ZFHX3: variants seen among roughly 807,000 people sequenced by gnomAD.
The protein encoded by ZFHX3 is zinc finger homeobox protein 3.
In ZFHX3, 42 loss-of-function variants were observed where a neutral mutation model predicts 279.1. The observed-to-expected ratio is 0.15, with a 90% CI of 0.12 to 0.19. The LOEUF is 0.19. ZFHX3 is among the 10% of genes least tolerant of loss of function. The pLI, the probability that ZFHX3 is intolerant of heterozygous loss-of-function variation, is 1.00. For missense variants in ZFHX3, 4,981 were observed against 4,754.0 expected, an observed-to-expected ratio of 1.05 and a Z score of -1.40; for synonymous variants, 2,293 against 1,957.8, an observed-to-expected ratio of 1.17 and a Z score of -4.52.
At chr16:73,750,680 A>G (rs2053753996) in intron 1 of ZFHX3, among the ~76,000 whole-genome samples, 1 of 152,324 alleles carries the variant, frequency 6.6e-6, no homozygotes, top group Admixed American at 6.5e-5. Context: ...ACTGCAGCTC[A>G]GCAATTCTCT....
At chr16:73,314,983 T>C (rs866504403) in intron 4 of ZFHX3, among the ~76,000 whole-genome samples, 1 of 152,192 alleles carries the variant, frequency 6.6e-6, no homozygotes, top group Non-Finnish European at 1.5e-5. Context: ...ATTCCAGCAC[T>C]TTGGGAGGCT....
At chr16:73,736,367 C>A (rs544263602) in intron 1 of ZFHX3, among the ~76,000 whole-genome samples, 1 of 152,172 alleles carries the variant, frequency 6.6e-6, no homozygotes, top group Non-Finnish European at 1.5e-5. Context: ...GCAACAAATC[C>A]GTTATTCTAA....
chr16:72,827,272 A>G (rs913859497), intron 5 of ZFHX3, among the ~76,000 whole-genome samples: 2 of 152,160 alleles, frequency 1.3e-5, no homozygotes, highest in Admixed American at 6.5e-5. Flanking sequence ...CTTATATATC[A>G]CTAAACCATT....
chr16:73,308,477 G>A (rs2015245989), intron 4 of ZFHX3, among the ~76,000 whole-genome samples: 1 of 151,724 alleles, frequency 6.6e-6, no homozygotes, highest in Non-Finnish European at 1.5e-5. Flanking sequence ...TTTTAGTAGA[G>A]AAGGGGTTTC....
At chr16:73,394,539 C>T (rs960741955) in intron 3 of ZFHX3, among the ~76,000 whole-genome samples, 38 of 152,068 alleles carry the variant, frequency 2.5e-4, no homozygotes, top group African/African-American at 5.8e-4. Flanking sequence ...ACAAGTGATC[C>T]GCCTGCCTCG....
chr16:72,860,171 G>A lies in ZFHX3; in HGVS notation c.3448+29560C>T, dbSNP rs564464574. 5.3e-5 allele frequency among the ~76,000 whole-genome samples: 8 copies of A among 152,096 alleles called. No homozygotes were observed. In the South Asian group the frequency reaches 6.2e-4, roughly 12 times the overall value. On this transcript the variant is annotated intron_variant, in intron 4 of 9. Coordinates refer to ENST00000268489, the MANE Select transcript of ZFHX3 (RefSeq NM_006885.4). ...GATCCAGATTCCCATCTAGAAAAAC[G>A]GCTTTCTGTTTAGAGCAGGGAGGAA...
At chr16:73,099,074 G>A (rs1966200522) in intron 7 of ZFHX3, 1 of 152,220 alleles carries the variant, frequency 6.6e-6, no homozygotes, top group African/African-American at 2.4e-5. Flanking sequence ...GGAAAACAGT[G>A]TAAGAGCTGA....
At chr16:73,712,766 C>G (rs191213751) in intron 1 of ZFHX3, among the ~76,000 whole-genome samples, 16 of 152,320 alleles carry the variant, frequency 1.1e-4, no homozygotes, top group Non-Finnish European at 1.9e-4. Context: ...CTAGGTATTT[C>G]TTTGTTTTCA....
At chr16:73,878,938 A>AAG (rs1555506383) in intron 1 of ZFHX3, among the ~76,000 whole-genome samples, 5 of 104,986 alleles carry the variant, frequency 4.8e-5, no homozygotes, top group East Asian at 4.4e-4. Flanking sequence ...CAAAAAAGAT[A>AAG]AGATATATAT....
chr16:73,602,877 G>C (rs2052134380), intron 2 of ZFHX3, among the ~76,000 whole-genome samples: 1 of 150,872 alleles, frequency 6.6e-6, no homozygotes, highest in African/African-American at 2.4e-5. Context: ...AACCCGGTTT[G>C]CAGTGAACCG....
chr16:73,108,399 G>A (rs912142359), intron 7 of ZFHX3, among the ~76,000 whole-genome samples: 1 of 151,832 alleles, frequency 6.6e-6, no homozygotes. Flanking sequence ...AAGAGGAGAA[G>A]GATGTATATT....
chr16:72,855,224 A>T (rs2037726937), intron 4 of ZFHX3, among the ~76,000 whole-genome samples: 1 of 152,220 alleles, frequency 6.6e-6, no homozygotes, highest in South Asian at 2.1e-4. Flanking sequence ...CAACCTCATC[A>T]ATTATAACCA....
intron 1 of ZFHX3, among the ~76,000 whole-genome samples, chr16:73,693,391 T>G (rs1303807706): frequency 6.6e-6 from 1 of 152,070 alleles, no homozygotes; most frequent in African/African-American, 2.4e-5. Context: ...GGAGCCTGTT[T>G]GCTGTTTATT....
chr16:73,756,698 A>C (rs2053812335), intron 1 of ZFHX3, among the ~76,000 whole-genome samples: 1 of 151,600 alleles, frequency 6.6e-6, no homozygotes, highest in Non-Finnish European at 1.5e-5. Context: ...CTTTCCTAGA[A>C]ACCACCCACC....
chr16:73,355,074 C>T (rs940038017), intron 3 of ZFHX3, among the ~76,000 whole-genome samples: 7 of 152,132 alleles, frequency 4.6e-5, no homozygotes, highest in Non-Finnish European at 7.3e-5. Flanking sequence ...TATTTAATGA[C>T]GGGCTAATCT....
At position 73,517,926 on chromosome 16, in the gene ZFHX3, T is replaced by C. The variant is rs865873330; in HGVS notation, c.-1546-61668A>G. Reference sequence around the variant, plus strand: ...AAAAAACATAAAAAAATAAGTGAAATTAACTTTAATAATGTGTTTTATTAT... The same window carrying C: ...AAAAAACATAAAAAAATAAGTGAAACTAACTTTAATAATGTGTTTTATTAT... On this transcript the variant is annotated intron_variant, in intron 2 of 17. Coordinates refer to the ZFHX3 transcript ENST00000641206. 2.0e-5 allele frequency among the ~76,000 whole-genome samples: 3 copies of C among 152,228 alleles called. No homozygotes were observed. In the South Asian group the frequency reaches 6.2e-4, roughly 31 times the overall value.
At chr16:73,160,071 A>T (rs1967191591) in intron 5 of ZFHX3, among the ~76,000 whole-genome samples, 1 of 152,170 alleles carries the variant, frequency 6.6e-6, no homozygotes, top group African/African-American at 2.4e-5. Context: ...CCTAAGCTAG[A>T]TTATTAGGGA....
rs1296357099 is a variant in ZFHX3, at chr16:73,601,027, AT to A, written c.-1547+79152del. ...TTTTTGTTTCTCAAAAAAAAAAAAAATGTTGAGTGTTTTATTAGCAAATACA... is the reference window on the plus strand; with the variant it reads ...TTTTTGTTTCTCAAAAAAAAAAAAAAGTTGAGTGTTTTATTAGCAAATACA... On this transcript the variant is annotated intron_variant, in intron 2 of 17. Coordinates refer to the ZFHX3 transcript ENST00000641206. 1.7e-4 allele frequency among the ~76,000 whole-genome samples: 25 copies of A among 146,532 alleles called. No individual in the cohort carries two copies. In the South Asian group the frequency reaches 3.1e-3, roughly 18 times the overall value.
intron 2 of ZFHX3, among the ~76,000 whole-genome samples, chr16:73,483,694 A>G (rs1237510958): frequency 6.6e-6 from 1 of 152,126 alleles, no homozygotes; most frequent in Non-Finnish European, 1.5e-5. Context: ...CATTCCTGGT[A>G]TGTATAGTAT....
Sources: allele counts gnomAD v4.1 joint callset (sites outside exome capture counted in the v4.1 genomes callset), GRCh38; gene constraint gnomAD v4.1.1; transcripts MANE v1.5; gene names NCBI Gene and HGNC (gene_info 2026-07-23, HGNC 2026-07-21).